The following BTN1A1 variants were observed in gnomAD, a reference collection of about 807,000 sequenced individuals.
The protein encoded by BTN1A1 is bK14H9.2 (butyrophilin, subfamily 1, member A1).
BTN1A1 carries 26 observed loss-of-function variants against 33.1 expected under a neutral mutation model. The ratio of observed to expected loss-of-function variants is 0.79; its 90% CI spans 0.58 to 1.09. BTN1A1 has a LOEUF of 1.09. BTN1A1 is among the 50% of genes least tolerant of loss of function. The pLI is 0.00. For synonymous variants in BTN1A1, 235 were observed against 256.2 expected, an observed-to-expected ratio of 0.92 and a Z score of 0.79; for missense variants, 558 against 655.7, an observed-to-expected ratio of 0.85 and a Z score of 1.63.
intron 4 of BTN1A1, among the ~76,000 whole-genome samples, chr6:26,505,856 C>T (rs1363339856): frequency 7.2e-5 from 11 of 152,014 alleles, no homozygotes; most frequent in South Asian, 2.1e-4. Flanking sequence ...TGGTGGCTCA[C>T]GCCTGTAATC....
rs1264731605 is a variant in BTN1A1, at chr6:26,507,956, T to C, written c.866T>C (p.Leu289Pro). ...ATTTTTGTTTGTTTTCCAGAGAGACTCCTGGAAGAACTCAGTAAGTTCTGT... is the reference window on the plus strand; with the variant it reads ...ATTTTTGTTTGTTTTCCAGAGAGACCCCTGGAAGAACTCAGTAAGTTCTGT... ...RRNEFSSKER[L>P]LEELKWKKAT... The change falls in exon 6 of 8, where the codon CTC (leucine) becomes CCC (proline). Residue 289 changes from leucine to proline, a missense_variant. Leu to Pro is a moderately conservative substitution (Grantham distance 98). Transcript: ENST00000684113. 6.2e-7 allele frequency: 1 copy of C among 1,614,138 alleles called. No homozygotes were observed. Among genetic ancestry groups the C allele is most frequent in the African/African-American group, 1.3e-5 (1 of 75,030 alleles).
chr6:26,508,628 C>T lies in BTN1A1; in HGVS notation c.1035C>T (p.Pro345=). 1.2e-6 allele frequency: 2 copies of T among 1,614,158 alleles called. No homozygotes were observed. Among genetic ancestry groups the T allele is most frequent in the Non-Finnish European group, 1.7e-6 (2 of 1,180,032 alleles). ...AAACAGAGAGATTTGACTCCTGGCC[C>T]TGTGTGTTGGGCCGTGAGACCTTCA... ...PEKTERFDSW[P]CVLGRETFTS... is the part of the protein sequence containing the mutation. Residue 345 remains proline, a synonymous_variant, in exon 8 of 8, where the codon CCC becomes CCT. Coordinates refer to ENST00000684113, the MANE Select transcript of BTN1A1 (RefSeq NM_001732.3).
rs369391996 is a variant in BTN1A1 at position 26,500,804 on chromosome 6, A to G, written c.-57-426A>G. The stretch of plus-strand genomic sequence containing the variant: ...GTGGTGCGCGCCTGTAGTCCCAGCT[A>G]CTCCGGAGGCTGAGGCAGAACAATC... On this transcript the variant is annotated intron_variant, in intron 1 of 7. Coordinates refer to ENST00000684113, the MANE Select transcript of BTN1A1 (RefSeq NM_001732.3). Among the ~76,000 whole-genome samples the G allele has an allele frequency of 2.3e-3, 355 of 151,994 alleles. 2 individuals are homozygous for G. The highest frequency in any genetic ancestry group is 8.2e-3 in the African/African-American group (339 of 41,446).
Position 26,508,779 on chromosome 6 carries a change from G to A in BTN1A1, c.1186G>A (p.Val396Ile), listed in dbSNP as rs138457017. The A allele has an allele frequency of 2.2e-5, 36 of 1,614,168 alleles. No homozygotes were observed. The African/African-American group carries it at 4.3e-4, about 19-fold the overall frequency. Residue 396 changes from valine (V) to isoleucine (I), a missense_variant, in exon 8 of 8, where the codon GTA becomes ATA. Physicochemically the swap from Val to Ile is conservative, Grantham distance 29. Coordinates refer to ENST00000684113, the MANE Select transcript of BTN1A1 (RefSeq NM_001732.3). ...GACTCCTGAGAATGGGTTCTGGGCT[G>A]TAGAGTTGTATGGAAATGGGTACTG... ...PMTPENGFWA[V>I]ELYGNGYWAL...
Position 26,508,456 on chromosome 6 carries a change from C to A in BTN1A1, c.908-45C>A, listed in dbSNP as rs1231483032. On this transcript the variant is annotated intron_variant, in intron 7 of 7. Transcript: ENST00000684113. ...GGAGAAGGAAAGACAGTCCTGCAAC[C>A]TGTAATATTCACTGATGTCAGACCT... 3 of 1,553,618 alleles carry A rather than the reference C, an allele frequency of 1.9e-6. No homozygotes were observed. In the African/African-American group the frequency reaches 4.1e-5, roughly 21 times the overall value.
chr6:26,501,241 T>C lies in BTN1A1; in HGVS notation c.-46T>C, dbSNP rs755669985. On this transcript the variant is annotated 5_prime_UTR_variant, in exon 2 of 8. Transcript: ENST00000684113. The surrounding 1 kb of genome is among the most constrained non-coding windows in gnomAD (Gnocchi z 5.2). ...CATTCATCTCCTAGGCTGAAGCTCC[T>C]GAGGGGACTCACATCAGTTATCTTG... 1 of 1,486,064 alleles carries C rather than the reference T, an allele frequency of 6.7e-7. No individual in the cohort carries two copies. The highest frequency in any genetic ancestry group is 1.1e-5 in the South Asian group (1 of 87,552). The allele number at this position is 1,486,064 out of a possible 1,614,324, so 92.1% of individuals were successfully genotyped here.
chr6:26,507,277 G>A (rs1216553096), intron 5 of BTN1A1, among the ~76,000 whole-genome samples: 1 of 152,090 alleles, frequency 6.6e-6, no homozygotes, highest in African/African-American at 2.4e-5. Context: ...AAATCATAAG[G>A]GTCCTGAAGT....
chr6:26,505,914 C>T (rs1310021530), intron 4 of BTN1A1, among the ~76,000 whole-genome samples: 1 of 151,592 alleles, frequency 6.6e-6, no homozygotes, highest in African/African-American at 2.4e-5. Flanking sequence ...GTCAGGAGAT[C>T]GAGACCATAC....
chr6:26,508,176 AC>A, intron 7 of BTN1A1, 89 bp downstream of exon 7: 1 of 1,417,006 alleles, frequency 7.1e-7, no homozygotes, highest in African/African-American at 1.4e-5. Context: ...AAACACTAAC[AC>A]TTTAGTGATG....
chr6:26,501,439 C>A lies in BTN1A1; in HGVS notation c.79+74C>A. 4.4e-6 allele frequency: 7 copies of A among 1,574,782 alleles called. No homozygotes were observed. The highest frequency in any genetic ancestry group is 5.2e-6 in the Non-Finnish European group (6 of 1,145,702). On this transcript the variant is annotated intron_variant, in intron 2 of 7. Coordinates refer to ENST00000684113, the MANE Select transcript of BTN1A1 (RefSeq NM_001732.3). The surrounding 1 kb of genome is among the most constrained non-coding windows in gnomAD (Gnocchi z 5.2). ...ATGTAAAATAAACAATCCCACTTGGCTCTCCCTGGAGACCTCCACTGGATC... is the reference window on the plus strand; with the variant it reads ...ATGTAAAATAAACAATCCCACTTGGATCTCCCTGGAGACCTCCACTGGATC...
Position 26,501,745 on chromosome 6 carries a change from G to T in BTN1A1, c.235G>T (p.Asp79Tyr), listed in dbSNP as rs1345313867. Reference protein sequence around the residue: ...KVSPAVLVHRDGREQEAEQMP... With the variant: ...KVSPAVLVHRYGREQEAEQMP... ...TTCGCCGGCCGTGCTGGTGCATAGG[G>T]ACGGGCGCGAGCAGGAAGCCGAGCA... is the stretch of plus-strand genomic sequence containing the variant. Residue 79 changes from aspartate to tyrosine, a missense_variant, in exon 3 of 8, where the codon GAC (aspartate) becomes TAC (tyrosine). Coordinates refer to ENST00000684113, the MANE Select transcript of BTN1A1 (RefSeq NM_001732.3). The surrounding 1 kb of genome is among the most constrained non-coding windows in gnomAD (Gnocchi z 5.2). 6.2e-6 allele frequency: 10 copies of T among 1,613,676 alleles called. No homozygotes were observed. The highest frequency in any genetic ancestry group is 1.3e-5 in the African/African-American group (1 of 74,936).
rs1763922048 is a variant in BTN1A1, at chr6:26,510,002, A to T, written c.*828A>T. On this transcript the variant is annotated 3_prime_UTR_variant, in exon 8 of 8. Coordinates refer to ENST00000684113, the MANE Select transcript of BTN1A1 (RefSeq NM_001732.3). Reference sequence around the variant, plus strand: ...TTCCAGTTGTCCTCTTCTTTTTGTTATAGCATCTCTCTATTTCAAAGACAT... The same window carrying T: ...TTCCAGTTGTCCTCTTCTTTTTGTTTTAGCATCTCTCTATTTCAAAGACAT... The T allele has an allele frequency of 6.6e-6, 1 of 152,264 alleles. No individual in the cohort carries two copies. The highest frequency in any genetic ancestry group is 2.4e-5 in the African/African-American group (1 of 41,396). The allele number at this position is 152,264 out of a possible 1,614,324, so 9.4% of individuals were successfully genotyped here.
At position 26,508,691 on chromosome 6, in the gene BTN1A1, C is replaced by T; in HGVS notation, c.1098C>T (p.Asp366=). Residue 366 remains aspartate, a synonymous_variant, in exon 8 of 8, where the codon GAC becomes GAT. Coordinates refer to ENST00000684113, the MANE Select transcript of BTN1A1 (RefSeq NM_001732.3). The stretch of plus-strand genomic sequence containing the variant: ...ATTACTGGGAGGTGGAGGTGGGAGA[C>T]AGGACTGACTGGGCAATCGGCGTGT... The part of the protein sequence containing the change: ...GRHYWEVEVG[D]RTDWAIGVCR... 6.2e-7 allele frequency: 1 copy of T among 1,614,128 alleles called. No individual in the cohort carries two copies. Among genetic ancestry groups the T allele is most frequent in the Non-Finnish European group, 8.5e-7 (1 of 1,180,028 alleles).
In BTN1A1 at chr6:26,501,511, G is replaced by A. The variant is rs1447558051; in HGVS notation, c.80-79G>A. ...GGAGTAAGAGAGCGCGGGGCACTGC[G>A]CTTTGGCGGGAATCTGGTCGGTGTC... On this transcript the variant is annotated intron_variant, in intron 2 of 7. Coordinates refer to ENST00000684113, the MANE Select transcript of BTN1A1 (RefSeq NM_001732.3). The surrounding 1 kb of genome is among the most constrained non-coding windows in gnomAD (Gnocchi z 5.2). 1.9e-6 allele frequency: 3 copies of A among 1,592,656 alleles called. No individual in the cohort carries two copies. Among genetic ancestry groups the A allele is most frequent in the Non-Finnish European group, 2.6e-6 (3 of 1,165,220 alleles).
Position 26,508,558 on chromosome 6 carries a change from C to CA in BTN1A1, c.969dup (p.Ser324IlefsTer13). 1 of 1,614,152 alleles carries CA rather than the reference C, an allele frequency of 6.2e-7. No individual in the cohort carries two copies. Among genetic ancestry groups the CA allele is most frequent in the Non-Finnish European group, 8.5e-7 (1 of 1,180,026 alleles). The stretch of plus-strand genomic sequence containing the variant: ...CCCCACCTCTTTCTTTATGAGGATT[C>CA]AAAATCTGTTCGACTGGAAGATTCA... On this transcript the variant is annotated frameshift_variant, in exon 8 of 8. Transcript: ENST00000684113. LOFTEE classifies it low-confidence loss of function (END_TRUNC).
In BTN1A1 at chr6:26,501,161, G is replaced by C; in HGVS notation, c.-57-69G>C. 1 of 791,204 alleles carries C rather than the reference G, an allele frequency of 1.3e-6. No individual in the cohort carries two copies. The highest frequency in any genetic ancestry group is 2.2e-6 in the Non-Finnish European group (1 of 454,238). 49.0% of individuals were successfully genotyped at this position (791,204 alleles called of 1,614,324 possible). A position where few individuals can be genotyped will look rare whatever the true frequency, so the allele number is the denominator to read the frequency against. On this transcript the variant is annotated intron_variant, in intron 1 of 7. Transcript: ENST00000684113. The surrounding 1 kb of genome is among the most constrained non-coding windows in gnomAD (Gnocchi z 5.2). ...AGAACACTTGCAGCTGGAAAGAACT[G>C]TAGAGAGGACTTTGGAAAGCGGAGG...
Position 26,509,233 on chromosome 6 carries a change from G to A in BTN1A1, c.*59G>A. On this transcript the variant is annotated 3_prime_UTR_variant, in exon 8 of 8. Coordinates refer to ENST00000684113, the MANE Select transcript of BTN1A1 (RefSeq NM_001732.3). ...TAACCCCTCTCCTCCATAGCCTTCT[G>A]AGGCTTCACCTGCTAGCTTTACCCA... The A allele has an allele frequency of 7.0e-7, 1 of 1,437,148 alleles. No individual in the cohort carries two copies. The highest frequency in any genetic ancestry group is 9.5e-7 in the Non-Finnish European group (1 of 1,055,288). 89.0% of individuals were successfully genotyped at this position (1,437,148 alleles called of 1,614,324 possible). A position where few individuals can be genotyped will look rare whatever the true frequency, so the allele number is the denominator to read the frequency against.
intron 7 of BTN1A1, 94 bp from the exon 8 acceptor site, chr6:26,508,407 C>T: frequency 1.4e-6 from 2 of 1,392,704 alleles, no homozygotes; most frequent in Non-Finnish European, 2.0e-6. Context: ...CCTGTCAACT[C>T]CTACAACAGT....
Position 26,508,798 on chromosome 6 carries a change from G to T in BTN1A1, c.1205G>T (p.Gly402Val), listed in dbSNP as rs773129427. The T allele has an allele frequency of 7.4e-6, 12 of 1,614,136 alleles. No homozygotes were observed. The South Asian group carries it at 1.2e-4, about 16-fold the overall frequency. ...GFWAVELYGN[G>V]YWALTPLRTP... ...TGGGCTGTAGAGTTGTATGGAAATG[G>T]GTACTGGGCCCTCACTCCTCTCCGG... Residue 402 changes from glycine to valine, a missense_variant, in exon 8 of 8, where the codon GGG (glycine) becomes GTG (valine). By Grantham distance (109) the Gly-to-Val change is moderately radical. Transcript: ENST00000684113.
Sources: gnomAD v4.1 joint callset for allele counts (sites outside exome capture counted in the v4.1 genomes callset) on GRCh38, gnomAD v4.1.1 for gene constraint, Gnocchi (gnomAD v3.1) non-coding constraint, MANE v1.5 for transcripts, NCBI Gene and HGNC (gene_info 2026-07-23, HGNC 2026-07-21) for gene names.